Variants in TAFA2 observed in about 807,000 individuals in gnomAD.
TAFA2 encodes chemokine-like protein TAFA-2.
In TAFA2, 7 loss-of-function variants were observed where a neutral mutation model predicts 18.8. The observed-to-expected ratio is 0.37, with a 90% CI of 0.21 to 0.70. TAFA2 has a LOEUF of 0.70. Among genes scored for constraint, TAFA2 ranks in the 30% least tolerant of loss-of-function variants. The pLI, the probability that TAFA2 is intolerant of heterozygous loss-of-function variation, is 0.53. For synonymous variants in TAFA2, 60 were observed against 54.2 expected (o/e 1.11, Z -0.47); for missense variants, 122 against 158.1 (o/e 0.77, Z 1.23).
chr12:62,069,722 C>T (rs921622236), intron 1 of TAFA2, among the ~76,000 whole-genome samples: 1 of 152,140 alleles, frequency 6.6e-6, no homozygotes, highest in Non-Finnish European at 1.5e-5. Context: ...CAACTGTCCC[C>T]TTTGGTTGTT....
At chr12:61,780,148 A>T (rs574379374) in intron 2 of TAFA2, among the ~76,000 whole-genome samples, 1 of 79,608 alleles carries the variant, frequency 1.3e-5, no homozygotes, top group African/African-American at 3.2e-5. Context: ...AGAGGGCAGG[A>T]AGCAGATTAA....
chr12:62,012,203 C>CTCATATACAT (rs1336587051), intron 1 of TAFA2, among the ~76,000 whole-genome samples: 3 of 152,096 alleles, frequency 2.0e-5, no homozygotes, highest in African/African-American at 7.2e-5. Flanking sequence ...TACACTGGTG[C>CTCATATACAT]ATTGAGAAAC....
intron 2 of TAFA2, among the ~76,000 whole-genome samples, chr12:61,845,311 G>A (rs1261128471): frequency 8.6e-5 from 13 of 151,926 alleles, no homozygotes. Flanking sequence ...CTTTAATGAG[G>A]TTCCCCTGTT....
In TAFA2 at chr12:61,963,524, C is replaced by T. The variant is rs78484841; in HGVS notation, c.-1-96098G>A. Among the ~76,000 whole-genome samples, 1,224 of 152,072 alleles carry T rather than the reference C, an allele frequency of 8.0e-3. 16 individuals are homozygous for T. The highest frequency in any genetic ancestry group is 0.028 in the African/African-American group (1,181 of 41,504). ...GAGAAGTGTCTGTTCATATCCTTCACCCACTTTTTGATGGGGTTGTTTAGG... is the reference window on the plus strand; with the variant it reads ...GAGAAGTGTCTGTTCATATCCTTCATCCACTTTTTGATGGGGTTGTTTAGG... On this transcript the variant is annotated intron_variant, in intron 1 of 4. Transcript: ENST00000416284.
chr12:62,194,678 T>C (rs1003036232), upstream of TAFA2, among the ~76,000 whole-genome samples: 1 of 152,218 alleles, frequency 6.6e-6, no homozygotes, highest in Admixed American at 6.5e-5. Flanking sequence ...ATAAAATCTT[T>C]TGCATTCTCT....
At chr12:61,961,267 G>A (rs1477021282) in intron 1 of TAFA2, among the ~76,000 whole-genome samples, 2 of 151,832 alleles carry the variant, frequency 1.3e-5, no homozygotes, top group African/African-American at 4.8e-5. Context: ...CTACCCAACC[G>A]CTACTCCAAC....
At chr12:62,035,233 A>C (rs1397499645) in intron 1 of TAFA2, among the ~76,000 whole-genome samples, 1 of 152,222 alleles carries the variant, frequency 6.6e-6, no homozygotes, top group Non-Finnish European at 1.5e-5. Flanking sequence ...ACTACCAAGC[A>C]CAAAGCACTA....
At chr12:61,830,447 C>A (rs1872676021) in intron 2 of TAFA2, among the ~76,000 whole-genome samples, 2 of 151,472 alleles carry the variant, frequency 1.3e-5, no homozygotes, top group Non-Finnish European at 2.9e-5. Context: ...TCTTTTGCAG[C>A]AATAAGGATA....
In TAFA2 at chr12:61,794,496, T is replaced by C. The variant is rs796861918; in HGVS notation, c.107-39472A>G. Among the ~76,000 whole-genome samples the C allele has an allele frequency of 1.1e-3, 161 of 152,128 alleles. 1 individual carries two copies. Among genetic ancestry groups the C allele is most frequent in the African/African-American group, 3.3e-3 (137 of 41,526 alleles). On this transcript the variant is annotated intron_variant, in intron 2 of 4. Coordinates refer to ENST00000416284, the MANE Select transcript of TAFA2 (RefSeq NM_178539.5). Reference sequence around the variant, plus strand: ...TGTGTAAGATCTTCACACTGAAAATTATAAAACATTGATAAAAGAAATTAA... The same window carrying C: ...TGTGTAAGATCTTCACACTGAAAATCATAAAACATTGATAAAAGAAATTAA...
At chr12:62,217,290 T>C (rs927130554) in intron 1 of TAFA2, among the ~76,000 whole-genome samples, 3 of 152,184 alleles carry the variant, frequency 2.0e-5, no homozygotes, top group East Asian at 1.9e-4. Flanking sequence ...AAAGATAATA[T>C]GTGGAGTTTA....
At chr12:62,047,301 T>C (rs1881935528) in intron 1 of TAFA2, among the ~76,000 whole-genome samples, 1 of 152,146 alleles carries the variant, frequency 6.6e-6, no homozygotes, top group Non-Finnish European at 1.5e-5. Flanking sequence ...ACTGATAAAC[T>C]GTATGATATT....
chr12:61,864,772 C>CA (rs34286549), intron 2 of TAFA2, among the ~76,000 whole-genome samples: 27,017 of 78,028 alleles, frequency 0.35, 4,761 homozygotes, highest in Non-Finnish European at 0.4. Context: ...GACTCCGTCT[C>CA]AAAAAAAAAA....
intron 1 of TAFA2, among the ~76,000 whole-genome samples, chr12:61,958,877 C>G (rs573868321): frequency 6.6e-6 from 1 of 152,056 alleles, no homozygotes; most frequent in Non-Finnish European, 1.5e-5. Flanking sequence ...ATTTTTGAGA[C>G]ATTTACAGAT....
At chr12:61,745,237 C>G (rs530431342) in intron 4 of TAFA2, among the ~76,000 whole-genome samples, 1 of 152,212 alleles carries the variant, frequency 6.6e-6, no homozygotes, top group South Asian at 2.1e-4. Flanking sequence ...CCACAGTTCT[C>G]TCCATCTCAC....
intron 1 of TAFA2, among the ~76,000 whole-genome samples, chr12:61,967,090 T>C (rs540747804): frequency 6.6e-6 from 1 of 152,026 alleles, no homozygotes; most frequent in East Asian, 1.9e-4. Context: ...TGAGAGACTA[T>C]ATTACAGGGG....
At chr12:62,196,186 G>A (rs1474168645), upstream of TAFA2, among the ~76,000 whole-genome samples, 1 of 152,176 alleles carries the variant, frequency 6.6e-6, no homozygotes, top group Non-Finnish European at 1.5e-5. Context: ...TAGAATTGAA[G>A]AGAGTTAAGG....
intron 1 of TAFA2, among the ~76,000 whole-genome samples, chr12:62,177,191 C>T (rs2062520039): frequency 6.6e-6 from 1 of 152,236 alleles, no homozygotes; most frequent in Admixed American, 6.5e-5. Context: ...TGCAGGGGCA[C>T]AGCCTCAGTG....
chr12:62,195,762 A>G (rs1565776682), upstream of TAFA2, among the ~76,000 whole-genome samples: 1 of 152,198 alleles, frequency 6.6e-6, no homozygotes, highest in Non-Finnish European at 1.5e-5. Flanking sequence ...ACACAAGCAG[A>G]GTAGATTTAT....
At chr12:62,202,404 TG>T (rs1483977315) in intron 1 of TAFA2, among the ~76,000 whole-genome samples, 1 of 151,990 alleles carries the variant, frequency 6.6e-6, no homozygotes, top group Non-Finnish European at 1.5e-5. Flanking sequence ...TGGAGTGCAA[TG>T]ATACGATCTT....
Sources: gnomAD v4.1 joint callset for allele counts (sites outside exome capture counted in the v4.1 genomes callset) on GRCh38, gnomAD v4.1.1 for gene constraint, MANE v1.5 for transcripts, NCBI Gene and HGNC (gene_info 2026-07-23, HGNC 2026-07-21) for gene names.